MSI2: variants seen among roughly 807,000 people sequenced by gnomAD.
MSI2 encodes RNA-binding protein Musashi homolog 2.
A neutral mutation model predicts 45.6 loss-of-function variants in MSI2; 17 were observed. That is an observed-to-expected ratio of 0.37 (90% CI 0.26 to 0.56). The LOEUF (loss-of-function observed/expected upper bound fraction) is 0.56, where lower values mean the gene tolerates loss of function less well. Ranked by LOEUF, MSI2 falls within the 20% of genes least tolerant of loss-of-function variation. The pLI is 0.77. For synonymous variants in MSI2, 156 were observed against 158.2 expected (o/e 0.99, Z 0.11); for missense variants, 293 against 444.2 (o/e 0.66, Z 3.06).
At chr17:57,582,469 A>G (rs894490909) in intron 7 of MSI2, among the ~76,000 whole-genome samples, 1 of 152,188 alleles carries the variant, frequency 6.6e-6, no homozygotes, top group African/African-American at 2.4e-5. Flanking sequence ...ATGATTGAAT[A>G]TGCTGGTTTT....
At chr17:57,481,579 C>T (rs1237833139) in intron 6 of MSI2, among the ~76,000 whole-genome samples, 2 of 152,206 alleles carry the variant, frequency 1.3e-5, no homozygotes, top group African/African-American at 4.8e-5. Flanking sequence ...GATGATATTT[C>T]TTCCACATAA....
At chr17:57,393,117 T>C (rs754052219) in intron 5 of MSI2, among the ~76,000 whole-genome samples, 1 of 152,200 alleles carries the variant, frequency 6.6e-6, no homozygotes, top group Non-Finnish European at 1.5e-5. Context: ...TTATGGACTT[T>C]CATTTGGATG....
In MSI2 at chr17:57,682,580, A is replaced by C. The variant is rs1225780730; in HGVS notation, c.*3063A>C. 41 of 212,548 alleles carry C rather than the reference A, an allele frequency of 1.9e-4. 1 individual carries two copies. The Admixed American group carries it at 2.4e-3, about 12-fold the overall frequency. The allele number at this position is 212,548 out of a possible 1,614,324, so 13.2% of individuals were successfully genotyped here. On this transcript the variant is annotated 3_prime_UTR_variant, in exon 14 of 14. Coordinates refer to ENST00000284073, the MANE Select transcript of MSI2 (RefSeq NM_138962.4). ...ATCTTGTGGAAATCCGATATGTTTT[A>C]ATGTGGCTACCTAGGTTTAAGGTTC...
At chr17:57,383,842 A>G (rs910281791) in intron 5 of MSI2, among the ~76,000 whole-genome samples, 8 of 152,188 alleles carry the variant, frequency 5.3e-5, no homozygotes, top group African/African-American at 1.9e-4. Context: ...CCCCCAATGA[A>G]TACAACTAAC....
At chr17:57,586,119 A>G (rs1567917934) in intron 7 of MSI2, among the ~76,000 whole-genome samples, 1 of 152,252 alleles carries the variant, frequency 6.6e-6, no homozygotes, top group African/African-American at 2.4e-5. Flanking sequence ...TTGTGAACTA[A>G]TCTGCTGCCC....
chr17:57,375,897 G>A (rs759349919), intron 5 of MSI2, among the ~76,000 whole-genome samples: 18 of 152,310 alleles, frequency 1.2e-4, no homozygotes, highest in African/African-American at 3.4e-4. Context: ...CCCAGGCCGC[G>A]TTAGCCGATG....
Position 57,652,303 on chromosome 17 carries a change from G to T in MSI2, c.790+142G>T, listed in dbSNP as rs371980956. ...CCGGGGAGGGGGTGGACGGGGAGGGGGTGGACCGGGAGGCGCGGGCAAGGC... is the reference window on the plus strand; with the variant it reads ...CCGGGGAGGGGGTGGACGGGGAGGGTGTGGACCGGGAGGCGCGGGCAAGGC... On this transcript the variant is annotated intron_variant, in intron 11 of 13. Transcript: ENST00000284073. This position sits in a 1 kb window ranked among gnomAD's most constrained non-coding sequence, Gnocchi z 4.1. 516 of 879,918 alleles carry T rather than the reference G, an allele frequency of 5.9e-4. 11 individuals are homozygous for T. In the East Asian group the frequency reaches 0.011, roughly 19 times the overall value. 54.5% of individuals were successfully genotyped at this position (879,918 alleles called of 1,614,324 possible). A position where few individuals can be genotyped will look rare whatever the true frequency, so the allele number is the denominator to read the frequency against.
chr17:57,560,638 G>A (rs2087550957), intron 7 of MSI2, among the ~76,000 whole-genome samples: 1 of 152,222 alleles, frequency 6.6e-6, no homozygotes, highest in Non-Finnish European at 1.5e-5. Flanking sequence ...TTATCTGCAA[G>A]ATGGGGTAAC....
intron 5 of MSI2, among the ~76,000 whole-genome samples, chr17:57,306,236 GC>G (rs923459395): frequency 2.0e-5 from 3 of 151,950 alleles, no homozygotes; most frequent in African/African-American, 7.3e-5. Context: ...TTCTCCTTGT[GC>G]CTTACCACCT....
chr17:57,633,295 A>G (rs776218746), intron 10 of MSI2: 14 of 597,204 alleles, frequency 2.3e-5, no homozygotes, highest in Non-Finnish European at 3.0e-5. Flanking sequence ...TTCTAAAAGC[A>G]TGCGAACTCC....
Position 57,597,054 on chromosome 17 carries a change from G to A in MSI2, c.537+104G>A, listed in dbSNP as rs930053031. ...CCATCATCAGGCTGGAGTGGGCAGG[G>A]GTGGGGAGGGGGCTAGATGCTCGGG... is the stretch of plus-strand genomic sequence containing the variant. On this transcript the variant is annotated intron_variant, in intron 8 of 13. Coordinates refer to ENST00000284073, the MANE Select transcript of MSI2 (RefSeq NM_138962.4). 7.5e-6 allele frequency: 6 copies of A among 800,418 alleles called. No individual in the cohort carries two copies. The Admixed American group carries it at 1.2e-4, about 16-fold the overall frequency. The allele number at this position is 800,418 out of a possible 1,614,324, so 49.6% of individuals were successfully genotyped here. A position where few individuals can be genotyped will look rare whatever the true frequency, so the allele number is the denominator to read the frequency against.
chr17:57,503,146 G>A (rs890534507), intron 6 of MSI2, among the ~76,000 whole-genome samples: 5 of 152,128 alleles, frequency 3.3e-5, no homozygotes, highest in Admixed American at 2.0e-4. Flanking sequence ...TCACAGTTCA[G>A]GGGTGGCTTA....
intron 5 of MSI2, among the ~76,000 whole-genome samples, chr17:57,315,998 A>G (rs1195149787): frequency 6.6e-6 from 1 of 151,898 alleles, no homozygotes; most frequent in Non-Finnish European, 1.5e-5. Context: ...TTGAAATCAC[A>G]TTTGTCATCA....
Position 57,606,541 on chromosome 17 carries a change from G to A in MSI2, c.538-9429G>A, listed in dbSNP as rs796329219. Among the ~76,000 whole-genome samples the A allele has an allele frequency of 3.9e-5, 6 of 152,124 alleles. No homozygotes were observed. In the South Asian group the frequency reaches 8.3e-4, roughly 21 times the overall value. ...CAGGGTGGGGGCTGCAGTTATTGGG[G>A]TACATCTCAGGTGATATTGGGGACC... On this transcript the variant is annotated intron_variant, in intron 8 of 13. Transcript: ENST00000284073.
intron 5 of MSI2, among the ~76,000 whole-genome samples, chr17:57,347,562 G>A (rs970104122): frequency 3.3e-5 from 5 of 152,094 alleles, no homozygotes; most frequent in Admixed American, 3.3e-4. Context: ...TTCTCTCTCA[G>A]CATCATGTAT....
chr17:57,503,728 G>A (rs367947953), intron 6 of MSI2, among the ~76,000 whole-genome samples: 1 of 152,160 alleles, frequency 6.6e-6, no homozygotes, highest in South Asian at 2.1e-4. Context: ...ATGGTTTAGG[G>A]AGAGAGTTGT....
intron 10 of MSI2, among the ~76,000 whole-genome samples, chr17:57,650,190 C>T (rs1238478341): frequency 6.6e-6 from 1 of 151,926 alleles, no homozygotes; most frequent in Non-Finnish European, 1.5e-5. Context: ...TTATTGACTA[C>T]ACTCCCCTCC....
rs755014494 is a variant in MSI2, at chr17:57,262,207, A to G, written c.312+15A>G. 11 of 1,613,718 alleles carry G rather than the reference A, an allele frequency of 6.8e-6. No individual in the cohort carries two copies. The African/African-American group carries it at 1.3e-4, about 20-fold the overall frequency. Reference sequence around the variant, plus strand: ...CGCAACCCAAGGTAAGTAGGAGAATAAACAGTAGGATTTTAGCACTCAGAG... The same window carrying G: ...CGCAACCCAAGGTAAGTAGGAGAATGAACAGTAGGATTTTAGCACTCAGAG... On this transcript the variant is annotated intron_variant, in intron 5 of 13. Transcript: ENST00000284073.
intron 5 of MSI2, among the ~76,000 whole-genome samples, chr17:57,301,608 T>C (rs887529689): frequency 6.6e-6 from 1 of 152,278 alleles, no homozygotes; most frequent in Non-Finnish European, 1.5e-5. Flanking sequence ...ATGTGGTGTT[T>C]GTGGCATTCA....
Sources: gnomAD v4.1 joint callset for allele counts (sites outside exome capture counted in the v4.1 genomes callset) on GRCh38, gnomAD v4.1.1 for gene constraint, Gnocchi (gnomAD v3.1) non-coding constraint, MANE v1.5 for transcripts, NCBI Gene and HGNC (gene_info 2026-07-23, HGNC 2026-07-21) for gene names.